The following COPS4 variants were observed in gnomAD, a reference collection of about 807,000 sequenced individuals.
COPS4 encodes COP9 signalosome subunit 4, also known as COP9 signalosome complex subunit 4.
Under a neutral mutation model 55.1 loss-of-function variants are expected in COPS4, and 8 were observed. The ratio of observed to expected loss-of-function variants is 0.15; its 90% CI spans 0.09 to 0.26. COPS4 has a LOEUF of 0.26. Ranked by LOEUF, COPS4 falls within the 10% of genes least tolerant of loss-of-function variation. The pLI, the probability that COPS4 is intolerant of heterozygous loss-of-function variation, is 1.00. For missense variants in COPS4, 248 were observed against 484.0 expected (o/e 0.51, Z 4.58); for synonymous variants, 185 against 165.7 (o/e 1.12, Z -0.90).
chr4:83,075,233 T>G (rs1731544076), intron 9 of COPS4, 64 bp from the exon 10 acceptor site: 1 of 1,473,834 alleles, frequency 6.8e-7, no homozygotes, highest in African/African-American at 1.4e-5. Flanking sequence ...ATATATCTTT[T>G]AACTCACAGT....
intron 6 of COPS4, among the ~76,000 whole-genome samples, chr4:83,062,412 C>T (rs1465144128): frequency 6.6e-6 from 1 of 152,166 alleles, no homozygotes. Flanking sequence ...GTATTCATAT[C>T]CTCAAAGTCA....
intron 4 of COPS4, among the ~76,000 whole-genome samples, chr4:83,051,168 G>A (rs1236222327): frequency 5.7e-5 from 2 of 34,956 alleles, no homozygotes; most frequent in African/African-American, 2.6e-4. Flanking sequence ...GGAGGCTGAG[G>A]CGGGAGGATC....
intron 5 of COPS4, 72 bp from the exon 6 acceptor site, chr4:83,057,186 C>CGGTTT: frequency 2.0e-6 from 3 of 1,511,662 alleles, no homozygotes; most frequent in Middle Eastern, 3.6e-4. Context: ...AATTGTTTCT[C>CGGTTT]TGTTTTGTTT....
At chr4:83,049,786 A>G (rs1730815755) in intron 3 of COPS4, 95 bp from the exon 4 acceptor site, 2 of 746,214 alleles carry the variant, frequency 2.7e-6, no homozygotes, top group African/African-American at 1.8e-5. Flanking sequence ...GCAGCTTAGT[A>G]TGTTGAATTG....
chr4:83,053,297 C>A (rs2126130476), intron 4 of COPS4, among the ~76,000 whole-genome samples: 1 of 152,286 alleles, frequency 6.6e-6, no homozygotes, highest in South Asian at 2.1e-4. Context: ...TAGGTTTAAC[C>A]ACAGTTGCAA....
intron 2 of COPS4, among the ~76,000 whole-genome samples, chr4:83,047,971 AG>A (rs1383748496): frequency 6.6e-5 from 10 of 151,812 alleles, no homozygotes; most frequent in Admixed American, 6.6e-4. Context: ...ACTGCACTCC[AG>A]CCTGGGCGAC....
intron 9 of COPS4, among the ~76,000 whole-genome samples, chr4:83,073,953 T>C (rs1731503267): frequency 1.2e-5 from 1 of 81,868 alleles, no homozygotes; most frequent in South Asian, 3.8e-4. Context: ...TGAGACTCCG[T>C]CTCAAAAAAA....
intron 7 of COPS4, among the ~76,000 whole-genome samples, chr4:83,063,938 G>A (rs966851261): frequency 1.3e-5 from 2 of 152,160 alleles, no homozygotes; most frequent in Non-Finnish European, 2.9e-5. Flanking sequence ...GACCTCAGGT[G>A]ATTCGCCCCC....
intron 9 of COPS4, among the ~76,000 whole-genome samples, chr4:83,073,606 C>T (rs1339844895): frequency 4.0e-5 from 6 of 151,848 alleles, no homozygotes; most frequent in African/African-American, 7.3e-5. Context: ...TGTATATTTC[C>T]ACCTGGGAAT....
At chr4:83,043,554 A>C (rs1730625584) in intron 1 of COPS4, among the ~76,000 whole-genome samples, 1 of 150,418 alleles carries the variant, frequency 6.6e-6, no homozygotes. Flanking sequence ...AAACCATAAC[A>C]ACCACAAAAC....
intron 4 of COPS4, among the ~76,000 whole-genome samples, chr4:83,053,867 C>T (rs1401664260): frequency 7.8e-6 from 1 of 128,990 alleles, no homozygotes; most frequent in Non-Finnish European, 1.6e-5. Flanking sequence ...GTTTATAACT[C>T]TTACTCAACC....
intron 7 of COPS4, among the ~76,000 whole-genome samples, chr4:83,066,142 ACT>A (rs1408173048): frequency 6.6e-6 from 1 of 151,950 alleles, no homozygotes; most frequent in Non-Finnish European, 1.5e-5. Context: ...ACAGAATGAA[ACT>A]CTGTCTCAAA....
At position 83,068,267 on chromosome 4, in the gene COPS4, G is replaced by A. The variant is rs569768404; in HGVS notation, c.1003-171G>A. Among the ~76,000 whole-genome samples, 7 of 152,278 alleles carry A rather than the reference G, an allele frequency of 4.6e-5. No individual in the cohort carries two copies. The South Asian group carries it at 8.3e-4, about 18-fold the overall frequency. Reference sequence around the variant, plus strand: ...AACTTAAAATAATGGCTTATGTACAGCAAGAATTGGGAAATAGCCAGATTT... The same window carrying A: ...AACTTAAAATAATGGCTTATGTACAACAAGAATTGGGAAATAGCCAGATTT... On this transcript the variant is annotated intron_variant, in intron 8 of 9. Transcript: ENST00000264389.
At chr4:83,050,605 C>T (rs1017993922) in intron 4 of COPS4, among the ~76,000 whole-genome samples, 3 of 152,144 alleles carry the variant, frequency 2.0e-5, no homozygotes, top group African/African-American at 4.8e-5. Flanking sequence ...AGCCACTGCA[C>T]CTGGCCGAAT....
intron 2 of COPS4, among the ~76,000 whole-genome samples, chr4:83,048,762 C>T (rs541450091): frequency 6.6e-6 from 1 of 152,248 alleles, no homozygotes; most frequent in East Asian, 1.9e-4. Flanking sequence ...TTGCCTTAGC[C>T]TCCTGAGTAG....
chr4:83,041,538 C>T (rs10016951), intron 1 of COPS4, among the ~76,000 whole-genome samples: 14,365 of 152,194 alleles, frequency 0.094, 2,322 homozygotes, highest in African/African-American at 0.33. Context: ...AGTACAGTGG[C>T]TCACTGCAGC....
At chr4:83,073,967 A>G (rs2126135856) in intron 9 of COPS4, among the ~76,000 whole-genome samples, 1 of 151,778 alleles carries the variant, frequency 6.6e-6, no homozygotes, top group East Asian at 1.9e-4. Context: ...AAAAAAAAAA[A>G]AAGATTTTAT....
intron 4 of COPS4, among the ~76,000 whole-genome samples, chr4:83,050,585 C>T (rs1242951529): frequency 2.0e-5 from 3 of 152,148 alleles, no homozygotes; most frequent in Non-Finnish European, 2.9e-5. Flanking sequence ...GCTGGGATTA[C>T]AGGTCTGTGA....
chr4:83,058,254 A>G (rs1221212692), intron 6 of COPS4, among the ~76,000 whole-genome samples: 1 of 152,142 alleles, frequency 6.6e-6, no homozygotes, highest in African/African-American at 2.4e-5. Context: ...AAATTGCTCT[A>G]TCACCCAGGC....
Sources: allele counts gnomAD v4.1 joint callset (sites outside exome capture counted in the v4.1 genomes callset), GRCh38; gene constraint gnomAD v4.1.1; transcripts MANE v1.5; gene names NCBI Gene and HGNC (gene_info 2026-07-23, HGNC 2026-07-21).